Variants in ATP2C1 observed in about 807,000 individuals in gnomAD.
ATP2C1 encodes calcium-transporting ATPase type 2C member 1.
Under a neutral mutation model 120.5 loss-of-function variants are expected in ATP2C1, and 31 were observed. That is an observed-to-expected ratio of 0.26 (90% CI 0.19 to 0.35). The LOEUF is 0.35. Ranked by LOEUF, ATP2C1 falls within the 10% of genes least tolerant of loss-of-function variation. The pLI, the probability that ATP2C1 is intolerant of heterozygous loss-of-function variation, is 1.00. For missense variants in ATP2C1, 731 were observed against 1,107.5 expected (o/e 0.66, Z 4.83); for synonymous variants, 351 against 358.7 (o/e 0.98, Z 0.24).
intron 24 of ATP2C1, 75 bp downstream of exon 24, chr3:130,996,871 G>A: frequency 9.6e-7 from 1 of 1,040,218 alleles, no homozygotes; most frequent in Non-Finnish European, 1.5e-6. Context: ...TTTAAAACTT[G>A]ATTTATGGAC....
rs1344811134 is a variant in ATP2C1 at position 131,015,224 on chromosome 3, A to T, written c.2630-928A>T. 7.1e-6 allele frequency: 5 copies of T among 702,294 alleles called. No homozygotes were observed. The African/African-American group carries it at 8.7e-5, about 12-fold the overall frequency. 43.5% of individuals were successfully genotyped at this position (702,294 alleles called of 1,614,324 possible). A position where few individuals can be genotyped will look rare whatever the true frequency, so the allele number is the denominator to read the frequency against. ...CCCACCATATTTTGTATGCGTCCAT[A>T]TATCCTCATTCAAAGTATTGAAGGC... On this transcript the variant is annotated intron_variant, in intron 26 of 26. Transcript: ENST00000328560.
intron 2 of ATP2C1, chr3:130,918,274 A>G: frequency 6.5e-7 from 1 of 1,547,672 alleles, no homozygotes. Flanking sequence ...CCTTGGGCCC[A>G]AAGTTCTTTG....
At chr3:131,006,285 C>A (rs1408774324), downstream of ATP2C1, among the ~76,000 whole-genome samples, 2 of 151,756 alleles carry the variant, frequency 1.3e-5, no homozygotes, top group Non-Finnish European at 2.9e-5. Flanking sequence ...CTAATTTTTG[C>A]ATATTTAGTA....
intron 12 of ATP2C1, among the ~76,000 whole-genome samples, chr3:130,960,408 G>A (rs1169947043): frequency 6.6e-6 from 1 of 152,126 alleles, no homozygotes; most frequent in East Asian, 1.9e-4. Flanking sequence ...TATGAGAGAC[G>A]TATTTTGAAA....
At chr3:130,885,225 C>T (rs1025346745) in intron 1 of ATP2C1, among the ~76,000 whole-genome samples, 23 of 152,152 alleles carry the variant, frequency 1.5e-4, no homozygotes, top group African/African-American at 3.4e-4. Flanking sequence ...GGAGCCACCA[C>T]GCACAGCCGG....
chr3:130,934,510 G>C, intron 4 of ATP2C1, 112 bp from the exon 5 acceptor site: 1 of 713,810 alleles, frequency 1.4e-6, no homozygotes, highest in South Asian at 1.6e-5. Context: ...ACTGAGTATA[G>C]ACTTTTGTAA....
chr3:130,856,147 G>A (rs2067834092), intron 1 of ATP2C1: 1 of 152,144 alleles, frequency 6.6e-6, no homozygotes, highest in Admixed American at 6.5e-5. Flanking sequence ...TTTGGAAGCT[G>A]TTCTAAAGTT....
At chr3:130,897,247 G>T (rs978568555) in intron 2 of ATP2C1, among the ~76,000 whole-genome samples, 5 of 152,160 alleles carry the variant, frequency 3.3e-5, no homozygotes, top group African/African-American at 1.2e-4. Context: ...TAAGCCTACA[G>T]AAAAAGTTAG....
At chr3:131,010,850 A>C (rs1258236536) in intron 26 of ATP2C1, among the ~76,000 whole-genome samples, 3 of 152,102 alleles carry the variant, frequency 2.0e-5, no homozygotes, top group African/African-American at 7.2e-5. Flanking sequence ...TAATCTTTGT[A>C]CTGCTTAACA....
chr3:130,963,682 G>C, intron 12 of ATP2C1: 1 of 403,178 alleles, frequency 2.5e-6, no homozygotes, highest in South Asian at 2.2e-5. Flanking sequence ...AAACTACAGA[G>C]CTAGATTAGT....
intron 1 of ATP2C1, among the ~76,000 whole-genome samples, chr3:130,860,378 TC>T (rs1402055308): frequency 6.6e-6 from 1 of 152,258 alleles, no homozygotes; most frequent in East Asian, 1.9e-4. Context: ...TGGAATTATT[TC>T]TTTCCTACTC....
At chr3:130,881,446 C>T (rs1474009425) in intron 1 of ATP2C1, among the ~76,000 whole-genome samples, 1 of 151,614 alleles carries the variant, frequency 6.6e-6, no homozygotes, top group African/African-American at 2.4e-5. Context: ...ACAGCCTTGT[C>T]CTCCTGGGCT....
intron 26 of ATP2C1, chr3:131,014,189 CTGT>C (rs1560052735): frequency 3.1e-6 from 5 of 1,612,964 alleles, no homozygotes; most frequent in Non-Finnish European, 8.5e-7. Context: ...AGCTGGTATT[CTGT>C]TTCTTCTGCC....
intron 20 of ATP2C1, among the ~76,000 whole-genome samples, chr3:130,990,877 G>A (rs1346360873): frequency 6.6e-6 from 1 of 152,168 alleles, no homozygotes; most frequent in Non-Finnish European, 1.5e-5. Flanking sequence ...CTCAGCAACT[G>A]CACATATGTA....
intron 2 of ATP2C1, chr3:130,918,156 AT>A: frequency 1.1e-6 from 1 of 946,316 alleles, no homozygotes; most frequent in Non-Finnish European, 1.7e-6. Flanking sequence ...GTTTAGAAAG[AT>A]TATCTGTGCC....
intron 1 of ATP2C1, among the ~76,000 whole-genome samples, chr3:130,866,475 G>A (rs2068180719): frequency 6.6e-6 from 1 of 152,202 alleles, no homozygotes; most frequent in Non-Finnish European, 1.5e-5. Context: ...AACTGGTGCT[G>A]CTAAAGCCTG....
chr3:130,924,579 G>GTA (rs780460109), intron 2 of ATP2C1, among the ~76,000 whole-genome samples: 10 of 152,070 alleles, frequency 6.6e-5, no homozygotes, highest in Non-Finnish European at 1.0e-4. Context: ...AATTTCCCAG[G>GTA]TATTTTTGAG....
intron 1 of ATP2C1, among the ~76,000 whole-genome samples, chr3:130,865,594 TA>T (rs2068148002): frequency 6.6e-6 from 1 of 152,130 alleles, no homozygotes; most frequent in African/African-American, 2.4e-5. Context: ...CAAGTGGAGG[TA>T]ATTGAATCAT....
Position 130,963,968 on chromosome 3 carries a change from T to A in ATP2C1, c.900-3T>A, listed in dbSNP as rs565613004. On this transcript the variant is annotated splice_polypyrimidine_tract_variant and splice_region_variant and intron_variant, in intron 12 of 27. Transcript: ENST00000510168. ...TTTAATACTTTGTATATGTTGGTTA[T>A]AGTTTGGCTGTAGCAGCAATTCCTG... 2 of 1,612,574 alleles carry A rather than the reference T, an allele frequency of 1.2e-6. No individual in the cohort carries two copies. The highest frequency in any genetic ancestry group is 1.7e-6 in the Non-Finnish European group (2 of 1,178,792).
Sources: gnomAD v4.1 joint callset for allele counts (sites outside exome capture counted in the v4.1 genomes callset) on GRCh38, gnomAD v4.1.1 for gene constraint, MANE v1.5 for transcripts, NCBI Gene and HGNC (gene_info 2026-07-23, HGNC 2026-07-21) for gene names.